The following NKAIN2 variants were observed in gnomAD, a reference collection of about 807,000 sequenced individuals.
NKAIN2 encodes sodium/potassium transporting ATPase interacting 2.
NKAIN2 carries 14 observed loss-of-function variants against 32.6 expected under a neutral mutation model. The observed-to-expected ratio is 0.43, with a 90% confidence interval of 0.28 to 0.67. The LOEUF (loss-of-function observed/expected upper bound fraction) is 0.67, where lower values mean the gene tolerates loss of function less well. NKAIN2 is among the 30% of genes least tolerant of loss of function. NKAIN2 has a pLI of 0.17. For missense variants in NKAIN2, 198 were observed against 258.3 expected (o/e 0.77, Z 1.60); for synonymous variants, 80 against 87.2 (o/e 0.92, Z 0.46).
chr6:124,306,547 CA>C (rs1796510984), intron 2 of NKAIN2, among the ~76,000 whole-genome samples: 1 of 152,120 alleles, frequency 6.6e-6, no homozygotes, highest in South Asian at 2.1e-4. Flanking sequence ...TGTCATGACT[CA>C]GTACTTCTAT....
intron 1 of NKAIN2, among the ~76,000 whole-genome samples, chr6:124,254,868 C>G (rs933595315): frequency 3.3e-5 from 5 of 152,242 alleles, no homozygotes; most frequent in Middle Eastern, 3.4e-3. Flanking sequence ...TCATGAACAC[C>G]TAATTATTAC....
chr6:124,418,544 ATATAT>A (rs1267765727), intron 3 of NKAIN2, among the ~76,000 whole-genome samples: 4 of 146,836 alleles, frequency 2.7e-5, no homozygotes, highest in Non-Finnish European at 4.5e-5. Context: ...AAAAGGGATT[ATATAT>A]TATATATATA....
At chr6:124,132,435 TC>T (rs771259604) in intron 1 of NKAIN2, among the ~76,000 whole-genome samples, 4 of 152,138 alleles carry the variant, frequency 2.6e-5, no homozygotes, top group African/African-American at 4.8e-5. Context: ...CAACCTCAAA[TC>T]CCACTGCTAA....
intron 3 of NKAIN2, among the ~76,000 whole-genome samples, chr6:124,433,543 A>G (rs1775306634): frequency 6.6e-6 from 1 of 152,298 alleles, no homozygotes; most frequent in South Asian, 2.1e-4. Flanking sequence ...GAGAAATGCA[A>G]GGGCTGTCAG....
intron 3 of NKAIN2, among the ~76,000 whole-genome samples, chr6:124,442,805 ATG>A (rs771057815): frequency 3.9e-5 from 6 of 152,076 alleles, no homozygotes; most frequent in South Asian, 2.1e-4. Flanking sequence ...CATACAGTCT[ATG>A]TTATGATTCT....
chr6:124,121,088 A>T (rs1239704200), intron 1 of NKAIN2, among the ~76,000 whole-genome samples: 1 of 152,158 alleles, frequency 6.6e-6, no homozygotes, highest in Admixed American at 6.5e-5. Context: ...TCTTTTCTGC[A>T]AACGGATAGA....
At chr6:123,847,639 A>T (rs1775146614) in intron 1 of NKAIN2, among the ~76,000 whole-genome samples, 1 of 152,154 alleles carries the variant, frequency 6.6e-6, no homozygotes, top group Admixed American at 6.5e-5. Flanking sequence ...TGAGGATCCC[A>T]TTTGTGAGAA....
At chr6:124,321,474 T>C (rs183635314) in intron 2 of NKAIN2, among the ~76,000 whole-genome samples, 16 of 152,198 alleles carry the variant, frequency 1.1e-4, no homozygotes, top group Admixed American at 2.0e-4. Context: ...ATAATAAAAA[T>C]TAAAAAAGAG....
chr6:124,367,652 A>G lies in NKAIN2; in HGVS notation c.273+12305A>G, dbSNP rs189084622. Among the ~76,000 whole-genome samples, 330 of 152,236 alleles carry G rather than the reference A, an allele frequency of 2.2e-3. 2 individuals are homozygous for G. Among genetic ancestry groups the G allele is most frequent in the African/African-American group, 7.8e-3 (323 of 41,550 alleles). On this transcript the variant is annotated intron_variant, in intron 3 of 6. Transcript: ENST00000368417. ...TGTGATTACATTCTTGTTGCCTGTC[A>G]AACATATTTTGAGTTGTAAGGATTT...
intron 1 of NKAIN2, among the ~76,000 whole-genome samples, chr6:123,893,880 T>A (rs1443760822): frequency 6.6e-6 from 1 of 152,198 alleles, no homozygotes; most frequent in Admixed American, 6.5e-5. Flanking sequence ...CCCAGTATCT[T>A]AAATTTAGAC....
chr6:124,282,119 G>T (rs1170295862), intron 1 of NKAIN2: 1 of 225,876 alleles, frequency 4.4e-6, no homozygotes, highest in East Asian at 1.6e-4. Context: ...ATGTAAAATG[G>T]TACTTCCGGA....
chr6:124,125,048 A>C (rs1375609310), intron 1 of NKAIN2, among the ~76,000 whole-genome samples: 1 of 152,214 alleles, frequency 6.6e-6, no homozygotes, highest in African/African-American at 2.4e-5. Flanking sequence ...ACTTATTTGA[A>C]CATCACCTAT....
At chr6:124,220,644 C>T (rs1420394915) in intron 1 of NKAIN2, among the ~76,000 whole-genome samples, 1 of 151,232 alleles carries the variant, frequency 6.6e-6, no homozygotes, top group Admixed American at 6.6e-5. Flanking sequence ...AAATTTAAGC[C>T]TCTTCATATG....
intron 1 of NKAIN2, among the ~76,000 whole-genome samples, chr6:123,817,420 T>C (rs1457710779): frequency 1.3e-5 from 2 of 152,126 alleles, no homozygotes; most frequent in Admixed American, 1.3e-4. Flanking sequence ...TCTGAGCTAA[T>C]GTAAAGAGCT....
At chr6:124,182,108 G>T (rs1358353173) in intron 1 of NKAIN2, among the ~76,000 whole-genome samples, 1 of 152,184 alleles carries the variant, frequency 6.6e-6, no homozygotes, top group Non-Finnish European at 1.5e-5. Context: ...GCAAAGGCAT[G>T]TCTTACTTGG....
chr6:124,763,305 G>C (rs985306191), intron 4 of NKAIN2, among the ~76,000 whole-genome samples: 1 of 152,222 alleles, frequency 6.6e-6, no homozygotes, highest in African/African-American at 2.4e-5. Flanking sequence ...AAAGAAAAGA[G>C]GTTTAATTGG....
At chr6:123,872,256 T>C (rs1772927340) in intron 1 of NKAIN2, among the ~76,000 whole-genome samples, 1 of 152,228 alleles carries the variant, frequency 6.6e-6, no homozygotes, top group Admixed American at 6.5e-5. Context: ...AAAGTGGTCC[T>C]GAAAAGGAAG....
chr6:124,073,700 A>G (rs182610735), intron 1 of NKAIN2, among the ~76,000 whole-genome samples: 70 of 152,248 alleles, frequency 4.6e-4, no homozygotes, highest in African/African-American at 1.6e-3. Flanking sequence ...TGTTGACTAA[A>G]AAGACAAATC....
intron 1 of NKAIN2, among the ~76,000 whole-genome samples, chr6:124,130,344 A>G (rs895965372): frequency 6.6e-6 from 1 of 152,184 alleles, no homozygotes; most frequent in African/African-American, 2.4e-5. Flanking sequence ...TGATTACCTC[A>G]TCAGAAAGGG....
Sources: allele counts gnomAD v4.1 joint callset (sites outside exome capture counted in the v4.1 genomes callset), GRCh38; gene constraint gnomAD v4.1.1; transcripts MANE v1.5; gene names NCBI Gene and HGNC (gene_info 2026-07-23, HGNC 2026-07-21).